PPFIA2: variants seen among roughly 807,000 people sequenced by gnomAD.
The protein encoded by PPFIA2 is liprin-alpha-2.
In PPFIA2, 46 loss-of-function variants were observed where a neutral mutation model predicts 175.5. That is an observed-to-expected ratio of 0.26 (90% CI 0.21 to 0.34). The LOEUF (loss-of-function observed/expected upper bound fraction) is 0.34, where lower values mean the gene tolerates loss of function less well. Ranked by LOEUF, PPFIA2 falls within the 10% of genes least tolerant of loss-of-function variation. The pLI is 1.00. For synonymous variants in PPFIA2, 568 were observed against 511.4 expected (o/e 1.11, Z -1.49); for missense variants, 1,179 against 1,506.1 (o/e 0.78, Z 3.60).
chr12:81,474,657 T>C (rs2057253636), intron 4 of PPFIA2, among the ~76,000 whole-genome samples: 1 of 152,212 alleles, frequency 6.6e-6, no homozygotes, highest in Admixed American at 6.5e-5. Flanking sequence ...CTAGCACCAG[T>C]ATCATTTTGT....
intron 9 of PPFIA2, among the ~76,000 whole-genome samples, chr12:81,379,366 T>C (rs967602694): frequency 1.3e-5 from 2 of 152,190 alleles, no homozygotes; most frequent in Non-Finnish European, 2.9e-5. Flanking sequence ...TTAGATCTAT[T>C]AAAGTGAAAA....
At position 81,368,890 on chromosome 12, in the gene PPFIA2, C is replaced by T. The variant is rs7953126; in HGVS notation, c.1351-34G>A. On this transcript the variant is annotated intron_variant, in intron 12 of 32. Coordinates refer to ENST00000549396, the MANE Select transcript of PPFIA2 (RefSeq NM_003625.5). ...TTAAAAAATGACATAAAAATCCATTCAAAAACTGTTTGAGATTATTTTTAT... is the reference window on the plus strand; with the variant it reads ...TTAAAAAATGACATAAAAATCCATTTAAAAACTGTTTGAGATTATTTTTAT... The T allele has an allele frequency of 1.9e-3, 3,055 of 1,584,706 alleles. 70 individuals carry two copies. The African/African-American group carries it at 0.037, about 19-fold the overall frequency.
intron 4 of PPFIA2, among the ~76,000 whole-genome samples, chr12:81,631,279 A>G (rs2063354685): frequency 1.3e-5 from 2 of 152,162 alleles, no homozygotes; most frequent in African/African-American, 2.4e-5. Context: ...CTAACAGAAC[A>G]TTTCCAGTTA....
chr12:81,324,306 G>C (rs982887005), intron 22 of PPFIA2, among the ~76,000 whole-genome samples: 1 of 151,956 alleles, frequency 6.6e-6, no homozygotes, highest in Non-Finnish European at 1.5e-5. Flanking sequence ...TTTAACTTTA[G>C]TAGCTATTTA....
intron 3 of PPFIA2, among the ~76,000 whole-genome samples, chr12:81,716,610 G>A (rs116052586): frequency 6.5e-4 from 98 of 150,820 alleles, no homozygotes; most frequent in African/African-American, 2.2e-3. Context: ...TCACACTGTC[G>A]GTGGAAAACA....
At chr12:81,612,512 A>AT (rs1232371118) in intron 4 of PPFIA2, among the ~76,000 whole-genome samples, 1 of 152,124 alleles carries the variant, frequency 6.6e-6, no homozygotes, top group Non-Finnish European at 1.5e-5. Context: ...AGAAAAAAAA[A>AT]CTTCGAATAC....
At chr12:81,347,156 T>C (rs1173360668) in intron 18 of PPFIA2, among the ~76,000 whole-genome samples, 1 of 152,032 alleles carries the variant, frequency 6.6e-6, no homozygotes, top group Non-Finnish European at 1.5e-5. Context: ...CTTGCTATGT[T>C]TCTTAGGCTA....
intron 3 of PPFIA2, among the ~76,000 whole-genome samples, chr12:81,687,124 C>T (rs1231073792): frequency 1.3e-5 from 2 of 151,992 alleles, no homozygotes; most frequent in Admixed American, 6.6e-5. Flanking sequence ...ACCACTACCC[C>T]AGAGTGATGT....
intron 19 of PPFIA2, among the ~76,000 whole-genome samples, chr12:81,342,869 C>T (rs55968734): frequency 0.19 from 28,975 of 151,594 alleles, 4,120 homozygotes; most frequent in East Asian, 0.42. Context: ...CCAATAACAG[C>T]TTCTAAAAAC....
intron 22 of PPFIA2, among the ~76,000 whole-genome samples, chr12:81,317,465 T>C (rs1225586323): frequency 6.6e-6 from 1 of 151,334 alleles, no homozygotes; most frequent in African/African-American, 2.4e-5. Flanking sequence ...ACTATTGTAG[T>C]ATGATGGCTT....
At chr12:81,297,516 T>TG (rs1348356858) in intron 23 of PPFIA2, among the ~76,000 whole-genome samples, 1 of 152,228 alleles carries the variant, frequency 6.6e-6, no homozygotes, top group Non-Finnish European at 1.5e-5. Context: ...GTACAGATTA[T>TG]GCTTTCTTCC....
chr12:81,486,020 T>C (rs1207570586), intron 4 of PPFIA2, among the ~76,000 whole-genome samples: 1 of 151,954 alleles, frequency 6.6e-6, no homozygotes, highest in Non-Finnish European at 1.5e-5. Context: ...TTTAGCTCAT[T>C]GTACACAATC....
At chr12:81,312,263 G>A in intron 22 of PPFIA2, 1 of 1,209,684 alleles carries the variant, frequency 8.3e-7, no homozygotes, top group Non-Finnish European at 1.2e-6. Flanking sequence ...AATAAAACAA[G>A]AGCATTATTT....
chr12:81,307,856 T>C (rs73350766), intron 22 of PPFIA2, among the ~76,000 whole-genome samples: 26,335 of 152,096 alleles, frequency 0.17, 2,368 homozygotes, highest in Admixed American at 0.22. Context: ...CTCATTCGAT[T>C]TTACCCCTCC....
chr12:81,697,776 G>C (rs982453395), intron 3 of PPFIA2, among the ~76,000 whole-genome samples: 2 of 152,020 alleles, frequency 1.3e-5, no homozygotes, highest in South Asian at 4.1e-4. Flanking sequence ...CAGGCACCTG[G>C]ATCAATCAGT....
At chr12:81,334,489 CA>C (rs34576372) in intron 21 of PPFIA2, among the ~76,000 whole-genome samples, 4,150 of 145,812 alleles carry the variant, frequency 0.028, 70 homozygotes, top group African/African-American at 0.034. Context: ...CTCCCTCCAC[CA>C]AAAAAAAAAA....
chr12:81,392,431 G>A (rs1489984813), intron 8 of PPFIA2, among the ~76,000 whole-genome samples: 1 of 151,818 alleles, frequency 6.6e-6, no homozygotes, highest in Non-Finnish European at 1.5e-5. Flanking sequence ...AAAGAATAGT[G>A]AATATATGGA....
rs768985652 is a variant in PPFIA2, at chr12:81,754,182, G to T, written c.40C>A (p.Pro14Thr). The T allele has an allele frequency of 1.2e-6, 2 of 1,610,326 alleles. No homozygotes were observed. Among genetic ancestry groups the T allele is most frequent in the East Asian group, 2.2e-5 (1 of 44,802 alleles). ...CTTTGGGACCCCCTTTGGCTCATTG[G>T]GGTGTCCTCATTAATCGTGGGCATC... Reference protein sequence around the residue: ...EVMPTINEDTPMSQRGSQSSG... With the variant: ...EVMPTINEDTTMSQRGSQSSG... The change falls in exon 3 of 33, where the codon CCA becomes ACA. Residue 14 changes from proline to threonine, a missense_variant. Pro to Thr is a conservative substitution (Grantham distance 38). Around this residue, in one of 10 missense-constraint regions of PPFIA2, gnomAD observed 128 missense variants for 141.4 expected, o/e 0.91. Coordinates refer to ENST00000549396, the MANE Select transcript of PPFIA2 (RefSeq NM_003625.5).
rs373663720 is a variant in PPFIA2 at position 81,344,635 on chromosome 12, C to T, written c.2262+29G>A. The T allele has an allele frequency of 3.4e-5, 51 of 1,485,300 alleles. 1 individual carries two copies. The Middle Eastern group carries it at 8.6e-4, about 25-fold the overall frequency. 92.0% of individuals were successfully genotyped at this position (1,485,300 alleles called of 1,614,324 possible). On this transcript the variant is annotated intron_variant, in intron 19 of 32. Transcript: ENST00000549396. Reference sequence around the variant, plus strand: ...TCATAGAATAAAACAGTATTCAATTCGTAATGATGTAAAAGTTATTTACTG... The same window carrying T: ...TCATAGAATAAAACAGTATTCAATTTGTAATGATGTAAAAGTTATTTACTG...
Sources: allele counts gnomAD v4.1 joint callset (sites outside exome capture counted in the v4.1 genomes callset), GRCh38; gene constraint gnomAD v4.1.1; regional missense constraint gnomAD v4.1.1; transcripts MANE v1.5; gene names NCBI Gene and HGNC (gene_info 2026-07-23, HGNC 2026-07-21).